Variants in GRIK4 observed in about 807,000 individuals in gnomAD.
GRIK4 encodes the protein glutamate receptor ionotropic, kainate 4.
Under a neutral mutation model 104.9 loss-of-function variants are expected in GRIK4, and 40 were observed. That is an observed-to-expected ratio of 0.38 (90% CI 0.30 to 0.50). The LOEUF (loss-of-function observed/expected upper bound fraction) is 0.50, where lower values mean the gene tolerates loss of function less well. Ranked by LOEUF, GRIK4 falls within the 20% of genes least tolerant of loss-of-function variation. The pLI is 0.93. For synonymous variants in GRIK4, 485 were observed against 524.9 expected, an observed-to-expected ratio of 0.92 and a Z score of 1.04; for missense variants, 1,047 against 1,308.1, an observed-to-expected ratio of 0.80 and a Z score of 3.08.
At chr11:120,536,213 C>G (rs1475163587) in intron 1 of GRIK4, among the ~76,000 whole-genome samples, 1 of 152,166 alleles carries the variant, frequency 6.6e-6, no homozygotes, top group Non-Finnish European at 1.5e-5. Flanking sequence ...TGCAACAATT[C>G]GAAAGAGTGT....
intron 1 of GRIK4, among the ~76,000 whole-genome samples, chr11:120,515,827 G>A (rs761637793): frequency 6.6e-6 from 1 of 152,202 alleles, no homozygotes; most frequent in Non-Finnish European, 1.5e-5. Context: ...GTTGCAGGCT[G>A]GGTAAATTAT....
intron 3 of GRIK4, among the ~76,000 whole-genome samples, chr11:120,694,119 C>T (rs1436091582): frequency 6.6e-6 from 1 of 152,134 alleles, no homozygotes; most frequent in Non-Finnish European, 1.5e-5. Flanking sequence ...ACGAGACGTC[C>T]AGTAGACAGC....
intron 3 of GRIK4, among the ~76,000 whole-genome samples, chr11:120,704,339 G>C (rs527443138): frequency 6.6e-6 from 1 of 152,314 alleles, no homozygotes; most frequent in Non-Finnish European, 1.5e-5. Flanking sequence ...AGCATATTAG[G>C]TTCTTAGGAA....
intron 1 of GRIK4, among the ~76,000 whole-genome samples, chr11:120,548,615 T>C (rs760148344): frequency 8.5e-5 from 13 of 152,118 alleles, no homozygotes; most frequent in Admixed American, 2.6e-4. Context: ...TGGCCCGACA[T>C]GATCCTTTTG....
intron 7 of GRIK4, among the ~76,000 whole-genome samples, chr11:120,832,679 A>C (rs145887438): frequency 9.9e-5 from 15 of 152,254 alleles, no homozygotes; most frequent in Admixed American, 3.9e-4. Context: ...GTGTCTCCTA[A>C]GCTCCTGGAG....
At chr11:120,920,827 C>T (rs1943212358) in intron 13 of GRIK4, among the ~76,000 whole-genome samples, 1 of 151,716 alleles carries the variant, frequency 6.6e-6, no homozygotes. Flanking sequence ...TAAACATTTC[C>T]TCTATGCCCT....
intron 1 of GRIK4, among the ~76,000 whole-genome samples, chr11:120,560,878 C>T (rs1025969995): frequency 3.9e-5 from 6 of 152,086 alleles, no homozygotes; most frequent in African/African-American, 1.2e-4. Context: ...GGTATGATCT[C>T]GTGGGGGATT....
intron 9 of GRIK4, chr11:120,872,394 A>T: frequency 6.2e-6 from 1 of 162,182 alleles, no homozygotes; most frequent in Non-Finnish European, 1.3e-5. Flanking sequence ...CCGAGACAGC[A>T]TCCCTCCATC....
intron 1 of GRIK4, among the ~76,000 whole-genome samples, chr11:120,574,321 G>A (rs750586882): frequency 6.6e-6 from 1 of 152,210 alleles, no homozygotes; most frequent in African/African-American, 2.4e-5. Context: ...AGAGGGAATG[G>A]TGGAGGGATG....
In GRIK4 at chr11:120,939,847, G is replaced by T. The variant is rs181924624; in HGVS notation, c.1477-500G>T. Among the ~76,000 whole-genome samples, 14 of 152,310 alleles carry T rather than the reference G, an allele frequency of 9.2e-5. No individual in the cohort carries two copies. The highest frequency in any genetic ancestry group is 5.2e-4 in the Admixed American group (8 of 15,292). ...TTACAAAAATAAGCCAGGCATGGTG[G>T]CCCACGCCTGTAGTTCCAGCTACTC... On this transcript the variant is annotated intron_variant, in intron 13 of 20. Coordinates refer to ENST00000527524, the MANE Select transcript of GRIK4 (RefSeq NM_014619.5). This position sits in a 1 kb window ranked among gnomAD's most constrained non-coding sequence, Gnocchi z 5.6.
chr11:120,948,787 C>CA (rs956104107), intron 14 of GRIK4, among the ~76,000 whole-genome samples: 1 of 152,204 alleles, frequency 6.6e-6, no homozygotes, highest in African/African-American at 2.4e-5. Flanking sequence ...CCCCTTCACT[C>CA]ACGGCTACCA....
At chr11:120,581,353 C>T (rs1948578312) in intron 1 of GRIK4, among the ~76,000 whole-genome samples, 1 of 152,178 alleles carries the variant, frequency 6.6e-6, no homozygotes, top group Non-Finnish European at 1.5e-5. Context: ...AGAAGACAGC[C>T]TCTTGGAGAA....
intron 13 of GRIK4, among the ~76,000 whole-genome samples, chr11:120,912,770 A>G (rs1424129239): frequency 6.6e-6 from 1 of 152,240 alleles, no homozygotes; most frequent in Non-Finnish European, 1.5e-5. Context: ...GCAGCTGCTC[A>G]GAATTGAGAA....
chr11:120,731,942 C>T (rs1408418544), intron 3 of GRIK4, among the ~76,000 whole-genome samples: 1 of 151,982 alleles, frequency 6.6e-6, no homozygotes, highest in African/African-American at 2.4e-5. Context: ...GATCTTCTTT[C>T]TTTTTTTCCT....
At chr11:120,545,112 C>T (rs116283534) in intron 1 of GRIK4, among the ~76,000 whole-genome samples, 6,200 of 152,116 alleles carry the variant, frequency 0.041, 433 homozygotes, top group African/African-American at 0.14. Flanking sequence ...AGGCCTGGCC[C>T]GCGGGGTCAC....
chr11:120,925,070 G>A (rs1217684356), intron 13 of GRIK4, among the ~76,000 whole-genome samples: 1 of 152,184 alleles, frequency 6.6e-6, no homozygotes, highest in Non-Finnish European at 1.5e-5. Flanking sequence ...GGCAGAGCTG[G>A]GGCCTCCATT....
intron 13 of GRIK4, among the ~76,000 whole-genome samples, chr11:120,912,544 G>A (rs1943023255): frequency 6.6e-6 from 1 of 152,166 alleles, no homozygotes; most frequent in Non-Finnish European, 1.5e-5. Context: ...AGCAATACGG[G>A]GGTCACCGGC....
intron 3 of GRIK4, among the ~76,000 whole-genome samples, chr11:120,759,304 T>G (rs968287594): frequency 6.6e-6 from 1 of 152,210 alleles, no homozygotes; most frequent in Admixed American, 6.5e-5. Flanking sequence ...TGAATTGGCT[T>G]CCACAGTAGG....
intron 3 of GRIK4, among the ~76,000 whole-genome samples, chr11:120,797,947 C>T (rs1450940213): frequency 6.6e-6 from 1 of 152,146 alleles, no homozygotes. Flanking sequence ...TGTTACATGG[C>T]AGACTGGTGT....
Sources: allele counts gnomAD v4.1 joint callset (sites outside exome capture counted in the v4.1 genomes callset), GRCh38; gene constraint gnomAD v4.1.1; non-coding constraint Gnocchi (gnomAD v3.1); transcripts MANE v1.5; gene names NCBI Gene and HGNC (gene_info 2026-07-23, HGNC 2026-07-21).